Variants in CIMIP2B observed in about 807,000 individuals in gnomAD.
CIMIP2B encodes the protein family with sequence similarity 166 member B.
the CIMIP2B span, chr9:35,563,034 C>T: frequency 1.2e-6 from 2 of 1,614,036 alleles, no homozygotes; most frequent in Non-Finnish European, 1.7e-6. Flanking sequence ...CGGCCCAGAC[C>T]TGGCTGCAGT....
chr9:35,563,432 G>T, the CIMIP2B span: 1 of 1,462,130 alleles, frequency 6.8e-7, no homozygotes, highest in Non-Finnish European at 9.4e-7. Context: ...GCCCTGCCCC[G>T]CCATCCCCAG....
At chr9:35,563,137 G>C in the CIMIP2B span, 1 of 1,613,408 alleles carries the variant, frequency 6.2e-7, no homozygotes, top group Non-Finnish European at 8.5e-7. Flanking sequence ...GCTCCTGGGA[G>C]GGGCACCTGT....
chr9:35,563,758 G>T, the CIMIP2B span: 2 of 1,613,078 alleles, frequency 1.2e-6, no homozygotes, highest in Non-Finnish European at 1.7e-6. Flanking sequence ...CGCTAAGTGG[G>T]AGTCTTACCC....
the CIMIP2B span, chr9:35,563,733 G>A: frequency 6.3e-7 from 1 of 1,595,348 alleles, no homozygotes; most frequent in Non-Finnish European, 8.6e-7. Context: ...CCTACTCCCA[G>A]CAGCAAGCGG....
the CIMIP2B span, chr9:35,562,247 T>C: frequency 1.9e-6 from 2 of 1,055,260 alleles, no homozygotes; most frequent in Non-Finnish European, 2.7e-6. Flanking sequence ...TTCTGCCTGA[T>C]AATAAAGCTG....
chr9:35,563,672 C>A, the CIMIP2B span: 1 of 1,222,086 alleles, frequency 8.2e-7, no homozygotes, highest in Non-Finnish European at 1.2e-6. Flanking sequence ...CCAAACCAAC[C>A]TGTCCGCTTG....
the CIMIP2B span, chr9:35,561,937 C>G: frequency 2.1e-6 from 1 of 485,376 alleles, no homozygotes; most frequent in East Asian, 4.5e-5. Flanking sequence ...ACCCTCCCAC[C>G]CACCTCTCTC....
At chr9:35,563,742 G>A in the CIMIP2B span, 74 of 1,599,040 alleles carry the variant, frequency 4.6e-5, 1 homozygote, top group South Asian at 6.6e-5. Context: ...AGCAGCAAGC[G>A]GGGAGCGCTA....
chr9:35,562,347 A>G, the CIMIP2B span: 2 of 1,378,542 alleles, frequency 1.5e-6, no homozygotes, highest in Non-Finnish European at 1.9e-6. Context: ...CAAACATTCC[A>G]GTCCCCAAAG....
chr9:35,562,110 G>C, the CIMIP2B span: 2 of 1,515,962 alleles, frequency 1.3e-6, no homozygotes, highest in South Asian at 1.2e-5. Context: ...GTGGCCAAGA[G>C]AGTCTGTCAC....
At chr9:35,562,782 A>G in the CIMIP2B span, 2 of 1,609,406 alleles carry the variant, frequency 1.2e-6, no homozygotes, top group Non-Finnish European at 1.7e-6. Context: ...CTGAACCCAC[A>G]GCCACACTAC....
At chr9:35,562,863 T>C in the CIMIP2B span, 1 of 1,613,788 alleles carries the variant, frequency 6.2e-7, no homozygotes, top group South Asian at 1.1e-5. Context: ...CCCACCAGCT[T>C]CTTGGTCTCA....
chr9:35,561,927 ACCC>A, the CIMIP2B span: 2 of 192,554 alleles, frequency 1.0e-5, no homozygotes, highest in Non-Finnish European at 9.8e-6. Context: ...CCACCCTCCC[ACCC>A]TCCCACCCAC....
chr9:35,563,196 G>A, the CIMIP2B span: 61 of 1,613,884 alleles, frequency 3.8e-5, no homozygotes, highest in Non-Finnish European at 4.8e-5. Flanking sequence ...CTGGAGCTGA[G>A]CCTTTCTTGC....
At chr9:35,563,265 G>A in the CIMIP2B span, 1 of 1,613,898 alleles carries the variant, frequency 6.2e-7, no homozygotes, top group African/African-American at 1.3e-5. Flanking sequence ...GGCCGAATGG[G>A]AGGCAGAAGT....
chr9:35,562,357 G>A, the CIMIP2B span: 1 of 1,441,386 alleles, frequency 6.9e-7, no homozygotes, highest in Non-Finnish European at 9.2e-7. Flanking sequence ...AGTCCCCAAA[G>A]CCTCCCCGGG....
chr9:35,562,837 C>T, the CIMIP2B span: 1 of 1,613,418 alleles, frequency 6.2e-7, no homozygotes, highest in Non-Finnish European at 8.5e-7. Context: ...ACCCCCACTC[C>T]CACACCTCTG....
the CIMIP2B span, chr9:35,562,287 A>G: frequency 1.7e-6 from 2 of 1,150,802 alleles, no homozygotes; most frequent in Admixed American, 2.9e-5. Flanking sequence ...TCCCATATCT[A>G]TTAGTTTCAA....
the CIMIP2B span, chr9:35,563,505 G>T: frequency 1.2e-6 from 1 of 857,882 alleles, no homozygotes; most frequent in Non-Finnish European, 1.8e-6. Context: ...TATATTTGGA[G>T]CAGGCATTTC....
Sources: gnomAD v4.1 joint callset for allele counts on GRCh38, gnomAD v4.1.1 for gene constraint, MANE v1.5 for transcripts, NCBI Gene and HGNC (gene_info 2026-07-23, HGNC 2026-07-21) for gene names.